JDP2: variants seen among roughly 807,000 people sequenced by gnomAD.
The protein encoded by JDP2 is progesterone receptor co-activator.
A neutral mutation model predicts 17.1 loss-of-function variants in JDP2; 9 were observed. The ratio of observed to expected loss-of-function variants is 0.53; its 90% CI spans 0.32 to 0.92. The LOEUF (loss-of-function observed/expected upper bound fraction) is 0.92. Among genes scored for constraint, JDP2 ranks in the 40% least tolerant of loss-of-function variants. The pLI, the probability that JDP2 is intolerant of heterozygous loss-of-function variation, is 0.04. For synonymous variants in JDP2, 107 were observed against 95.6 expected, an observed-to-expected ratio of 1.12 and a Z score of -0.69; for missense variants, 179 against 220.0, an observed-to-expected ratio of 0.81 and a Z score of 1.18.
At chr14:75,460,733 G>A (rs907365521) in intron 2 of JDP2, among the ~76,000 whole-genome samples, 14 of 152,312 alleles carry the variant, frequency 9.2e-5, no homozygotes, top group Non-Finnish European at 1.8e-4. Flanking sequence ...CCCCCAGAAT[G>A]TCCACCTGTG....
At position 75,472,054 on chromosome 14, in the gene JDP2, A is replaced by C. The variant is rs1443115880; in HGVS notation, c.*2579A>C. ...GGCTGTCTTCCAAAGTCACCACACCAGTGACTTGTGCTGTGCGGAGCCTTC... is the reference window on the plus strand; with the variant it reads ...GGCTGTCTTCCAAAGTCACCACACCCGTGACTTGTGCTGTGCGGAGCCTTC... On this transcript the variant is annotated 3_prime_UTR_variant, in exon 4 of 4. Transcript: ENST00000651602. The C allele has an allele frequency of 6.6e-6, 1 of 152,168 alleles. No homozygotes were observed. The highest frequency in any genetic ancestry group is 6.5e-5 in the Admixed American group (1 of 15,278). The allele number at this position is 152,168 out of a possible 1,614,324, so 9.4% of individuals were successfully genotyped here. A position where few individuals can be genotyped will look rare whatever the true frequency, so the allele number is the denominator to read the frequency against.
At chr14:75,459,298 T>A (rs1886248469) in intron 2 of JDP2, among the ~76,000 whole-genome samples, 1 of 152,230 alleles carries the variant, frequency 6.6e-6, no homozygotes, top group Non-Finnish European at 1.5e-5. Context: ...GCGGAATCAA[T>A]TTCAGCCAGG....
chr14:75,457,739 C>G (rs1886176036), intron 2 of JDP2, among the ~76,000 whole-genome samples: 1 of 152,202 alleles, frequency 6.6e-6, no homozygotes, highest in African/African-American at 2.4e-5. Flanking sequence ...TGCAGACTTG[C>G]CATAGCTGTC....
At chr14:75,441,322 A>T (rs1354705673) in intron 2 of JDP2, among the ~76,000 whole-genome samples, 2 of 152,344 alleles carry the variant, frequency 1.3e-5, no homozygotes, top group South Asian at 4.1e-4. Flanking sequence ...TGTGAATTAT[A>T]AAGTGCTTTG....
At chr14:75,432,379 T>C in intron 1 of JDP2, 3 of 1,543,404 alleles carry the variant, frequency 1.9e-6, no homozygotes, top group Non-Finnish European at 2.6e-6. Context: ...TTTCTGACCT[T>C]CTCTGTGGAC....
At chr14:75,455,549 G>A (rs1857676381) in intron 2 of JDP2, among the ~76,000 whole-genome samples, 3 of 152,124 alleles carry the variant, frequency 2.0e-5, no homozygotes. Flanking sequence ...GTTGAACTTG[G>A]CCATTAGGAG....
rs747142645 is a variant in JDP2, at chr14:75,471,445, A to C, written c.*1970A>C. The stretch of plus-strand genomic sequence containing the variant: ...GCTTGCAAAGGCTACAGTTTACCCA[A>C]CTAAACTTGACTCCTGCATTCTAAT... On this transcript the variant is annotated 3_prime_UTR_variant, in exon 4 of 4. Transcript: ENST00000651602. 2 of 152,246 alleles carry C rather than the reference A, an allele frequency of 1.3e-5. No individual in the cohort carries two copies. The highest frequency in any genetic ancestry group is 2.4e-5 in the African/African-American group (1 of 41,446). The allele number at this position is 152,246 out of a possible 1,614,324, so 9.4% of individuals were successfully genotyped here. A position where few individuals can be genotyped will look rare whatever the true frequency, so the allele number is the denominator to read the frequency against.
chr14:75,458,914 C>T (rs547049129), intron 2 of JDP2, among the ~76,000 whole-genome samples: 3 of 152,280 alleles, frequency 2.0e-5, no homozygotes, highest in African/African-American at 4.8e-5. Context: ...AGGGGATGAA[C>T]GTGGCTGGAG....
chr14:75,462,711 C>A (rs1297012442), intron 3 of JDP2, among the ~76,000 whole-genome samples: 1 of 152,152 alleles, frequency 6.6e-6, no homozygotes, highest in African/African-American at 2.4e-5. Context: ...GCTGGAGAGA[C>A]AAGGCTAGAT....
At chr14:75,454,355 G>A (rs923318985) in intron 2 of JDP2, among the ~76,000 whole-genome samples, 2 of 152,220 alleles carry the variant, frequency 1.3e-5, no homozygotes, top group Non-Finnish European at 2.9e-5. Flanking sequence ...CGAGTCCTGC[G>A]CTGTCACTGA....
intron 2 of JDP2, among the ~76,000 whole-genome samples, chr14:75,447,287 C>T (rs1486321728): frequency 6.6e-6 from 1 of 152,198 alleles, no homozygotes; most frequent in Non-Finnish European, 1.5e-5. Flanking sequence ...CATACACAAG[C>T]AATGCACTTT....
At chr14:75,442,999 G>A (rs1267843910) in intron 2 of JDP2, among the ~76,000 whole-genome samples, 1 of 152,106 alleles carries the variant, frequency 6.6e-6, no homozygotes, top group Admixed American at 6.5e-5. Context: ...GACCGGATCC[G>A]TGTCCTCATC....
chr14:75,457,396 C>T (rs995072351), intron 2 of JDP2, among the ~76,000 whole-genome samples: 9 of 152,242 alleles, frequency 5.9e-5, no homozygotes, highest in African/African-American at 1.9e-4. Context: ...ATGGCACAGG[C>T]CATGTTAGCT....
intron 2 of JDP2, among the ~76,000 whole-genome samples, chr14:75,448,356 G>A (rs141484021): frequency 1.4e-4 from 21 of 152,226 alleles, no homozygotes; most frequent in Admixed American, 2.6e-4. Flanking sequence ...TGAAGGGTGG[G>A]GCCCAGAAAT....
In JDP2 at chr14:75,430,595, C is replaced by T. The variant is rs1225172960; in HGVS notation, c.-24+2343C>T. 6.6e-6 allele frequency among the ~76,000 whole-genome samples: 1 copy of T among 152,052 alleles called. No homozygotes were observed. The highest frequency in any genetic ancestry group is 1.5e-5 in the Non-Finnish European group (1 of 68,022). ...AGGTGTGTTTGAAAACAGAGGGTCTCCTATGCCTTTGAGGAGGGTGAGAAC... is the reference window on the plus strand; with the variant it reads ...AGGTGTGTTTGAAAACAGAGGGTCTTCTATGCCTTTGAGGAGGGTGAGAAC... On this transcript the variant is annotated intron_variant, in intron 1 of 3. Coordinates refer to ENST00000651602, the MANE Select transcript of JDP2 (RefSeq NM_001135048.2). The surrounding 1 kb of genome is among the most constrained non-coding windows in gnomAD (Gnocchi z 4.5).
rs1442821251 is a variant in JDP2 at position 75,437,983 on chromosome 14, C to G, written c.63C>G (p.Pro21=). 1.2e-6 allele frequency: 2 copies of G among 1,613,522 alleles called. No homozygotes were observed. Among genetic ancestry groups the G allele is most frequent in the Non-Finnish European group, 1.7e-6 (2 of 1,179,814 alleles). The change falls in exon 2 of 4, where the codon CCC becomes CCG. Residue 21 remains proline (P), a synonymous_variant. Coordinates refer to ENST00000651602, the MANE Select transcript of JDP2 (RefSeq NM_001135048.2). ...VTTGSLPGLG[P]LTGLPSSALT... ...CAGGCTCCCTGCCAGGGCTTGGCCC[C>G]CTGACCGGGCTCCCCAGCTCGGCCC...
At chr14:75,468,431 C>T (rs1886662696) in intron 3 of JDP2, among the ~76,000 whole-genome samples, 1 of 152,160 alleles carries the variant, frequency 6.6e-6, no homozygotes, top group Non-Finnish European at 1.5e-5. Context: ...AGTTTTCAGA[C>T]ATAATCCAAG....
At chr14:75,456,809 C>T (rs535726183) in intron 2 of JDP2, among the ~76,000 whole-genome samples, 4 of 152,340 alleles carry the variant, frequency 2.6e-5, no homozygotes, top group African/African-American at 7.2e-5. Context: ...CAGCTCGGCT[C>T]AGCCATTCAT....
chr14:75,437,652 G>T (rs1380568362), intron 1 of JDP2, among the ~76,000 whole-genome samples: 1 of 152,248 alleles, frequency 6.6e-6, no homozygotes, highest in Non-Finnish European at 1.5e-5. Context: ...ATTGGGTCAA[G>T]CATTGCCTTC....
Sources: gnomAD v4.1 joint callset for allele counts (sites outside exome capture counted in the v4.1 genomes callset) on GRCh38, gnomAD v4.1.1 for gene constraint, Gnocchi (gnomAD v3.1) non-coding constraint, MANE v1.5 for transcripts, NCBI Gene and HGNC (gene_info 2026-07-23, HGNC 2026-07-21) for gene names.